The following IFIH1 variants were observed in gnomAD, a reference collection of about 807,000 sequenced individuals.
The protein encoded by IFIH1 is interferon-induced helicase C domain-containing protein 1.
In IFIH1, 125 loss-of-function variants were observed where a neutral mutation model predicts 107.4. The observed-to-expected ratio is 1.16, with a 90% CI of 1.01 to 1.35. IFIH1 has a LOEUF of 1.35. Among genes scored for constraint, IFIH1 ranks in the 40% most tolerant of loss-of-function variants. IFIH1 has a pLI of 0.00. For missense variants in IFIH1, 1,333 were observed against 1,213.7 expected (o/e 1.10, Z -1.46); for synonymous variants, 458 against 413.2 (o/e 1.11, Z -1.31).
chr2:162,286,606 C>T (rs1682897579), intron 5 of IFIH1, among the ~76,000 whole-genome samples: 1 of 147,650 alleles, frequency 6.8e-6, no homozygotes, highest in Non-Finnish European at 1.5e-5. Flanking sequence ...CACAAAGAGA[C>T]AGGTAAATGG....
Position 162,267,160 on chromosome 2 carries a change from GT to G in IFIH1, c.*39del. ...TACATTAATCATAATCATATTAAAT[GT>G]TTAACTGATAGTATTTTAAAAGAAT... On this transcript the variant is annotated 3_prime_UTR_variant, in exon 16 of 16. Coordinates refer to ENST00000649979, the MANE Select transcript of IFIH1 (RefSeq NM_022168.4). The G allele has an allele frequency of 7.5e-7, 1 of 1,335,338 alleles. No homozygotes were observed. The highest frequency in any genetic ancestry group is 1.0e-6 in the Non-Finnish European group (1 of 964,072). The allele number at this position is 1,335,338 out of a possible 1,614,324, so 82.7% of individuals were successfully genotyped here. A position where few individuals can be genotyped will look rare whatever the true frequency, so the allele number is the denominator to read the frequency against.
intron 4 of IFIH1, 147 bp from the exon 5 acceptor site, chr2:162,288,502 T>C (rs1436469828): frequency 3.2e-6 from 2 of 621,388 alleles, no homozygotes; most frequent in Non-Finnish European, 5.6e-6. Context: ...CTGTACCAAT[T>C]AATGTCTGCT....
At chr2:162,275,136 A>G (rs915848025) in intron 11 of IFIH1, among the ~76,000 whole-genome samples, 1 of 152,184 alleles carries the variant, frequency 6.6e-6, no homozygotes, top group African/African-American at 2.4e-5. Flanking sequence ...GATGCCTAAC[A>G]CCATTGCTAA....
intron 5 of IFIH1, among the ~76,000 whole-genome samples, chr2:162,285,992 C>A (rs981989771): frequency 3.3e-5 from 5 of 151,902 alleles, no homozygotes; most frequent in African/African-American, 1.2e-4. Context: ...GAGGCAAATG[C>A]GGTCATAAGC....
chr2:162,314,501 T>C (rs1683451664), intron 1 of IFIH1, among the ~76,000 whole-genome samples: 1 of 149,316 alleles, frequency 6.7e-6, no homozygotes, highest in Admixed American at 6.8e-5. Context: ...TTTCTCTCTT[T>C]CTTATTAGAT....
At chr2:162,308,758 G>A (rs756448502) in intron 2 of IFIH1, among the ~76,000 whole-genome samples, 1 of 152,136 alleles carries the variant, frequency 6.6e-6, no homozygotes, top group Non-Finnish European at 1.5e-5. Context: ...TGAGTATTAG[G>A]AGGACAAAAT....
At position 162,318,150 on chromosome 2, in the gene IFIH1, G is replaced by C; in HGVS notation, c.158C>G (p.Ser53Cys). 6.2e-7 allele frequency: 1 copy of C among 1,614,220 alleles called. No homozygotes were observed. Among genetic ancestry groups the C allele is most frequent in the Non-Finnish European group, 8.5e-7 (1 of 1,180,038 alleles). Residue 53 changes from serine to cysteine, a missense_variant, in exon 1 of 16, where the codon TCC becomes TGC. By Grantham distance (112) the Ser-to-Cys change is moderately radical. Coordinates refer to ENST00000649979, the MANE Select transcript of IFIH1 (RefSeq NM_022168.4). ...KEQIQRTVAT[S>C]GNMQAVELLL... ...CAGTTCAACTGCCTGCATGTTCCCG[G>C]AGGTGGCGACTGTCCTCTGAATCTG...
chr2:162,285,409 C>G (rs1043336719), intron 5 of IFIH1, among the ~76,000 whole-genome samples: 3 of 151,838 alleles, frequency 2.0e-5, no homozygotes, highest in Non-Finnish European at 4.4e-5. Flanking sequence ...TGTTGTTGGG[C>G]CAAACACAAG....
At chr2:162,271,282 A>G (rs1353610199) in intron 13 of IFIH1, among the ~76,000 whole-genome samples, 1 of 152,144 alleles carries the variant, frequency 6.6e-6, no homozygotes, top group Admixed American at 6.6e-5. Flanking sequence ...CAGCCATAAA[A>G]AAGGATGAGT....
intron 5 of IFIH1, among the ~76,000 whole-genome samples, chr2:162,285,666 T>C (rs913659328): frequency 1.3e-5 from 2 of 151,870 alleles, no homozygotes; most frequent in African/African-American, 2.4e-5. Flanking sequence ...TGAGGATAAA[T>C]TAATATTTAA....
intron 1 of IFIH1, 27 bp downstream of exon 1, chr2:162,317,828 G>C: frequency 6.6e-7 from 1 of 1,526,062 alleles, no homozygotes; most frequent in East Asian, 2.3e-5. Flanking sequence ...TGCCTAAAAG[G>C]CTAGCTCCAT....
intron 3 of IFIH1, among the ~76,000 whole-genome samples, chr2:162,303,821 A>C (rs1683233706): frequency 6.6e-6 from 1 of 152,192 alleles, no homozygotes; most frequent in South Asian, 2.1e-4. Flanking sequence ...GATTAACTAC[A>C]AGCTAATGCA....
intron 5 of IFIH1, 47 bp downstream of exon 5, chr2:162,288,088 A>T (rs751353336): frequency 1.6e-5 from 20 of 1,286,906 alleles, no homozygotes; most frequent in African/African-American, 4.4e-5. Context: ...AAGTTTCAGA[A>T]TAATACAATG....
chr2:162,268,339 A>G (rs1690965714), intron 13 of IFIH1, 62 bp from the exon 14 acceptor site: 1 of 1,119,194 alleles, frequency 8.9e-7, no homozygotes. Context: ...GTTTCATAGA[A>G]GTAAGTCTCC....
chr2:162,284,303 A>G (rs114880883), intron 5 of IFIH1, among the ~76,000 whole-genome samples: 252 of 152,108 alleles, frequency 1.7e-3, no homozygotes, highest in African/African-American at 5.9e-3. Context: ...AGACAGCATG[A>G]TGCAGAGGGA....
chr2:162,314,404 T>TCCC (rs1558877398), intron 1 of IFIH1, among the ~76,000 whole-genome samples: 1 of 70,312 alleles, frequency 1.4e-5, no homozygotes, highest in African/African-American at 1.1e-4. Context: ...CCCTCCTTTC[T>TCCC]TTCTTTCTTT....
intron 13 of IFIH1, among the ~76,000 whole-genome samples, chr2:162,268,816 T>C (rs539335497): frequency 1.3e-5 from 2 of 152,250 alleles, no homozygotes; most frequent in Admixed American, 6.5e-5. Context: ...TCTCAAATTC[T>C]TGATCTCAGT....
At chr2:162,285,305 G>C (rs868157731) in intron 5 of IFIH1, among the ~76,000 whole-genome samples, 7 of 152,020 alleles carry the variant, frequency 4.6e-5, no homozygotes, top group African/African-American at 1.7e-4. Flanking sequence ...GCATTCGAAG[G>C]CTATAACTTT....
intron 2 of IFIH1, among the ~76,000 whole-genome samples, chr2:162,309,024 T>C (rs1240862983): frequency 6.6e-6 from 1 of 152,162 alleles, no homozygotes; most frequent in Admixed American, 6.5e-5. Context: ...TTTTCCATAA[T>C]ACAATGGTGG....
Sources: gnomAD v4.1 joint callset for allele counts (sites outside exome capture counted in the v4.1 genomes callset) on GRCh38, gnomAD v4.1.1 for gene constraint, MANE v1.5 for transcripts, NCBI Gene and HGNC (gene_info 2026-07-23, HGNC 2026-07-21) for gene names.